Variants in DTNA observed in about 807,000 individuals in gnomAD.
DTNA encodes the protein dystrobrevin alpha.
In DTNA, 43 loss-of-function variants were observed where a neutral mutation model predicts 100.7. The ratio of observed to expected loss-of-function variants is 0.43; its 90% CI spans 0.33 to 0.55. The LOEUF (loss-of-function observed/expected upper bound fraction) is 0.55, where lower values mean the gene tolerates loss of function less well. Ranked by LOEUF, DTNA falls within the 20% of genes least tolerant of loss-of-function variation. The pLI, the probability that DTNA is intolerant of heterozygous loss-of-function variation, is 0.04. For missense variants in DTNA, 798 were observed against 953.9 expected, an observed-to-expected ratio of 0.84 and a Z score of 2.15; for synonymous variants, 349 against 347.9, an observed-to-expected ratio of 1.00 and a Z score of -0.04.
At chr18:34,762,852 G>A (rs2093265680) in intron 2 of DTNA, among the ~76,000 whole-genome samples, 1 of 152,142 alleles carries the variant, frequency 6.6e-6, no homozygotes, top group Non-Finnish European at 1.5e-5. Flanking sequence ...AAAACACAGG[G>A]TCAGTTAAGT....
chr18:34,813,133 G>A (rs2095518977), intron 6 of DTNA, among the ~76,000 whole-genome samples: 3 of 152,138 alleles, frequency 2.0e-5, no homozygotes, highest in African/African-American at 7.2e-5. Flanking sequence ...ATACATTAAA[G>A]GTTAGTTTAC....
At chr18:34,613,155 G>A (rs2054564460) in intron 1 of DTNA, among the ~76,000 whole-genome samples, 1 of 152,092 alleles carries the variant, frequency 6.6e-6, no homozygotes, top group African/African-American at 2.4e-5. Flanking sequence ...AGTAGTCTTT[G>A]ATGTGGCTAT....
intron 4 of DTNA, among the ~76,000 whole-genome samples, chr18:34,800,109 C>T (rs1480338216): frequency 6.6e-6 from 1 of 152,176 alleles, no homozygotes; most frequent in Non-Finnish European, 1.5e-5. Context: ...GCCATAAAGC[C>T]AATCATTATC....
At chr18:34,640,404 C>A (rs879620956) in intron 1 of DTNA, among the ~76,000 whole-genome samples, 3 of 152,190 alleles carry the variant, frequency 2.0e-5, no homozygotes, top group Non-Finnish European at 2.9e-5. Flanking sequence ...TATTGATGCT[C>A]CAGGTCCAAT....
At chr18:34,721,464 G>A (rs1282427855) in intron 1 of DTNA, among the ~76,000 whole-genome samples, 1 of 152,010 alleles carries the variant, frequency 6.6e-6, no homozygotes, top group East Asian at 1.9e-4. Flanking sequence ...TGGAGTAGAA[G>A]GGAATACTCT....
At chr18:34,817,777 C>A (rs1400568985) in intron 7 of DTNA, among the ~76,000 whole-genome samples, 1 of 152,194 alleles carries the variant, frequency 6.6e-6, no homozygotes, top group Admixed American at 6.5e-5. Context: ...AATCAGCATT[C>A]ACCCCTTGTG....
intron 9 of DTNA, among the ~76,000 whole-genome samples, chr18:34,822,922 A>G (rs546366173): frequency 6.6e-6 from 1 of 152,340 alleles, no homozygotes; most frequent in South Asian, 2.1e-4. Flanking sequence ...CTACTCACTG[A>G]TAACATATTT....
At chr18:34,780,571 A>G (rs1286755269) in intron 3 of DTNA, among the ~76,000 whole-genome samples, 1 of 152,242 alleles carries the variant, frequency 6.6e-6, no homozygotes, top group East Asian at 1.9e-4. Context: ...ATGATATTAT[A>G]TTGTGGAGAA....
intron 1 of DTNA, among the ~76,000 whole-genome samples, chr18:34,516,078 C>T (rs570976257): frequency 3.9e-5 from 6 of 152,120 alleles, no homozygotes; most frequent in Non-Finnish European, 7.4e-5. Flanking sequence ...GGGGAACCAC[C>T]CCCAATAATT....
intron 1 of DTNA, among the ~76,000 whole-genome samples, chr18:34,608,083 A>G (rs1005140956): frequency 6.6e-6 from 1 of 152,206 alleles, no homozygotes; most frequent in Non-Finnish European, 1.5e-5. Flanking sequence ...ATCCCTGATG[A>G]GGCTACCCTA....
At chr18:34,687,071 G>C (rs2145713648) in intron 1 of DTNA, among the ~76,000 whole-genome samples, 1 of 151,998 alleles carries the variant, frequency 6.6e-6, no homozygotes, top group East Asian at 1.9e-4. Context: ...TATCTATTTT[G>C]TTAATCTTTT....
intron 13 of DTNA, among the ~76,000 whole-genome samples, chr18:34,844,332 G>A (rs2096333907): frequency 6.6e-6 from 1 of 151,886 alleles, no homozygotes; most frequent in African/African-American, 2.4e-5. Flanking sequence ...ACTCACAAAG[G>A]GCCACTACAC....
At chr18:34,871,904 G>A (rs539024359) in intron 17 of DTNA, among the ~76,000 whole-genome samples, 1 of 152,308 alleles carries the variant, frequency 6.6e-6, no homozygotes, top group South Asian at 2.1e-4. Flanking sequence ...CCAGTTGTGG[G>A]AAAGATGCAA....
chr18:34,738,137 T>TG (rs2089986384), intron 1 of DTNA, among the ~76,000 whole-genome samples: 2 of 152,104 alleles, frequency 1.3e-5, no homozygotes, highest in African/African-American at 4.8e-5. Flanking sequence ...GAGGCACATA[T>TG]GAGTGAACAC....
Position 34,852,949 on chromosome 18 carries a change from C to T in DTNA, c.1532+1021C>T, listed in dbSNP as rs115874671. Among the ~76,000 whole-genome samples the T allele has an allele frequency of 3.5e-3, 530 of 152,228 alleles. 6 individuals are homozygous for T. The highest frequency in any genetic ancestry group is 0.012 in the African/African-American group (507 of 41,522). The stretch of plus-strand genomic sequence containing the variant: ...AAATAATCATGTGTGTTTGTTTCTT[C>T]GTTTATTGTCTGTCTTCCTGGACTG... On this transcript the variant is annotated intron_variant, in intron 15 of 22. Coordinates refer to ENST00000444659, the MANE Select transcript of DTNA (RefSeq NM_001386795.1).
chr18:34,638,993 C>T (rs2058963584), intron 1 of DTNA, among the ~76,000 whole-genome samples: 1 of 152,132 alleles, frequency 6.6e-6, no homozygotes, highest in Non-Finnish European at 1.5e-5. Flanking sequence ...AGCCATGTGC[C>T]ACCATGTCCG....
At chr18:34,669,726 C>A (rs1031312784) in intron 1 of DTNA, among the ~76,000 whole-genome samples, 9 of 152,238 alleles carry the variant, frequency 5.9e-5, no homozygotes, top group African/African-American at 2.2e-4. Flanking sequence ...GTCGAAAATT[C>A]TTTTCTTTAA....
At chr18:34,729,644 G>T (rs1267873829) in intron 1 of DTNA, among the ~76,000 whole-genome samples, 4 of 152,064 alleles carry the variant, frequency 2.6e-5, no homozygotes, top group African/African-American at 9.7e-5. Flanking sequence ...TCTGAAGGAG[G>T]CTGGGCACAT....
intron 1 of DTNA, among the ~76,000 whole-genome samples, chr18:34,598,461 T>TTAGAAAACACTGGGTTGTTTTCAAATCAC (rs2051094143): frequency 6.6e-6 from 1 of 152,186 alleles, no homozygotes; most frequent in African/African-American, 2.4e-5. Flanking sequence ...ATTTCAACCA[T>TTAGAAAACACTGGGTTGTTTTCAAATCAC]TAGAAAACAC....
Sources: gnomAD v4.1 joint callset for allele counts (sites outside exome capture counted in the v4.1 genomes callset) on GRCh38, gnomAD v4.1.1 for gene constraint, MANE v1.5 for transcripts, NCBI Gene and HGNC (gene_info 2026-07-23, HGNC 2026-07-21) for gene names.